Variants in DOK6 observed in about 807,000 individuals in gnomAD.
DOK6 encodes the protein downstream of tyrosine kinase 6.
A neutral mutation model predicts 44.0 loss-of-function variants in DOK6; 22 were observed. That is an observed-to-expected ratio of 0.50 (90% confidence interval 0.36 to 0.71). The LOEUF (loss-of-function observed/expected upper bound fraction) is 0.71, where lower values mean the gene tolerates loss of function less well. Among genes scored for constraint, DOK6 ranks in the 30% least tolerant of loss-of-function variants. The probability of loss-of-function intolerance (pLI) is 0.00; values close to 1 mark genes in which losing one functional copy is unlikely to be tolerated. For missense variants in DOK6, 340 were observed against 416.4 expected (o/e 0.82, Z 1.60); for synonymous variants, 166 against 145.5 (o/e 1.14, Z -1.01).
intron 1 of DOK6, among the ~76,000 whole-genome samples, chr18:69,407,864 C>T (rs977903228): frequency 9.9e-5 from 15 of 152,212 alleles, no homozygotes; most frequent in African/African-American, 3.6e-4. Context: ...AGTAAAATTA[C>T]TGGGAACAAA....
At chr18:69,524,718 A>G (rs1981782311) in intron 1 of DOK6, among the ~76,000 whole-genome samples, 1 of 151,962 alleles carries the variant, frequency 6.6e-6, no homozygotes, top group Admixed American at 6.6e-5. Context: ...ACAATAAATA[A>G]TGATTTTTAT....
intron 1 of DOK6, among the ~76,000 whole-genome samples, chr18:69,504,999 G>A (rs781281115): frequency 1.3e-5 from 2 of 152,036 alleles, no homozygotes; most frequent in African/African-American, 4.8e-5. Flanking sequence ...TTATTTTCAC[G>A]TAACGTTTAT....
intron 1 of DOK6, among the ~76,000 whole-genome samples, chr18:69,561,653 G>T (rs1221801544): frequency 6.6e-6 from 1 of 152,022 alleles, no homozygotes; most frequent in Non-Finnish European, 1.5e-5. Context: ...GTTAGGGAAG[G>T]TGCATCTGAT....
At chr18:69,508,651 G>A (rs986306576) in intron 1 of DOK6, among the ~76,000 whole-genome samples, 10 of 152,174 alleles carry the variant, frequency 6.6e-5, no homozygotes, top group Non-Finnish European at 4.4e-5. Flanking sequence ...TGTAAAGACA[G>A]GGTTATTAAA....
At chr18:69,445,273 C>G (rs1485466837) in intron 1 of DOK6, among the ~76,000 whole-genome samples, 1 of 152,084 alleles carries the variant, frequency 6.6e-6, no homozygotes, top group African/African-American at 2.4e-5. Flanking sequence ...ATAGATATAA[C>G]CAGTTTGAGT....
chr18:69,424,115 A>G (rs1978571167), intron 1 of DOK6, among the ~76,000 whole-genome samples: 1 of 152,182 alleles, frequency 6.6e-6, no homozygotes, highest in Non-Finnish European at 1.5e-5. Context: ...ATCGCTTTGT[A>G]TAAATACCTA....
chr18:69,559,061 T>A (rs958332288), intron 1 of DOK6, among the ~76,000 whole-genome samples: 11 of 152,216 alleles, frequency 7.2e-5, no homozygotes, highest in African/African-American at 2.6e-4. Flanking sequence ...CAGTCTTATC[T>A]CTGTGTGATT....
chr18:69,569,955 C>T (rs190705772), intron 2 of DOK6, among the ~76,000 whole-genome samples: 2 of 151,972 alleles, frequency 1.3e-5, no homozygotes, highest in African/African-American at 2.4e-5. Context: ...AAACCATATA[C>T]CACCTGTTCT....
At position 69,491,313 on chromosome 18, in the gene DOK6, G is replaced by A. The variant is rs183517694; in HGVS notation, c.67-73174G>A. On this transcript the variant is annotated intron_variant, in intron 1 of 7. Coordinates refer to ENST00000382713, the MANE Select transcript of DOK6 (RefSeq NM_152721.6). ...TATCTAGAGGAAATGTGTAATTTTT[G>A]CACTTTTCCATCTCGATTGGCTAAA... Among the ~76,000 whole-genome samples the A allele has an allele frequency of 1.4e-3, 215 of 152,178 alleles. 3 individuals are homozygous for A. The highest frequency in any genetic ancestry group is 6.6e-4 in the Non-Finnish European group (45 of 67,984).
In DOK6 at chr18:69,739,117, C is replaced by A. The variant is rs1391522454; in HGVS notation, c.738+14C>A. 2.5e-6 allele frequency: 4 copies of A among 1,613,334 alleles called. No individual in the cohort carries two copies. Among genetic ancestry groups the A allele is most frequent in the Non-Finnish European group, 3.4e-6 (4 of 1,179,544 alleles). ...CAGAAGGCCCGGGTAAGGCCCCTTC[C>A]TTGGTAACCTATCAGCTTGGAAATG... On this transcript the variant is annotated intron_variant, in intron 6 of 7. Transcript: ENST00000382713.
Position 69,669,496 on chromosome 18 carries a change from C to A in DOK6, c.290-8238C>A, listed in dbSNP as rs145227148. On this transcript the variant is annotated intron_variant, in intron 3 of 7. Coordinates refer to ENST00000382713, the MANE Select transcript of DOK6 (RefSeq NM_152721.6). ...AGCTATACAACTGGAAGACTTGCTC[C>A]TCTAAACCCAATGTGTTTTTTAAAT... is the stretch of plus-strand genomic sequence containing the variant. 7.6e-4 allele frequency among the ~76,000 whole-genome samples: 116 copies of A among 152,318 alleles called. 1 individual carries two copies. Among genetic ancestry groups the A allele is most frequent in the African/African-American group, 2.8e-3 (115 of 41,564 alleles).
At position 69,449,395 on chromosome 18, in the gene DOK6, A is replaced by G. The variant is rs191159595; in HGVS notation, c.66+48085A>G. 7.9e-5 allele frequency among the ~76,000 whole-genome samples: 12 copies of G among 152,320 alleles called. No individual in the cohort carries two copies. The East Asian group carries it at 2.3e-3, about 29-fold the overall frequency. On this transcript the variant is annotated intron_variant, in intron 1 of 7. Transcript: ENST00000382713. ...ACTTTGACATAAATCTGTAAATAAG[A>G]CCAAAGAAAGAAAATAGCTAGATAA... is the stretch of plus-strand genomic sequence containing the variant.
intron 1 of DOK6, among the ~76,000 whole-genome samples, chr18:69,490,439 GATA>G (rs1444446966): frequency 7.2e-5 from 11 of 152,136 alleles, no homozygotes; most frequent in Non-Finnish European, 1.5e-4. Context: ...GAAAGCTGAA[GATA>G]ATAATTATGA....
At chr18:69,564,901 T>C (rs991100511) in intron 2 of DOK6, among the ~76,000 whole-genome samples, 2 of 152,200 alleles carry the variant, frequency 1.3e-5, no homozygotes, top group African/African-American at 2.4e-5. Flanking sequence ...TAATTATGCA[T>C]TTGTTACTTG....
chr18:69,665,909 CT>C (rs529427606), intron 3 of DOK6, among the ~76,000 whole-genome samples: 120 of 152,106 alleles, frequency 7.9e-4, no homozygotes, highest in African/African-American at 2.8e-3. Flanking sequence ...CCTTTGCTCT[CT>C]TTTCCCTGAA....
At chr18:69,792,911 T>C (rs931331207) in intron 7 of DOK6, among the ~76,000 whole-genome samples, 1 of 152,118 alleles carries the variant, frequency 6.6e-6, no homozygotes, top group Non-Finnish European at 1.5e-5. Context: ...ATAGTCTCCA[T>C]TGAAAATTAG....
At chr18:69,401,439 G>A (rs944233404) in intron 1 of DOK6, 129 bp downstream of exon 1, 28 of 1,119,788 alleles carry the variant, frequency 2.5e-5, no homozygotes, top group Non-Finnish European at 3.3e-5. Context: ...TAGGCGGATG[G>A]CCCGCTTGTT....
At chr18:69,628,878 T>C (rs1984620963) in intron 3 of DOK6, among the ~76,000 whole-genome samples, 2 of 152,140 alleles carry the variant, frequency 1.3e-5, no homozygotes, top group Non-Finnish European at 2.9e-5. Flanking sequence ...TGCATGTACA[T>C]TTAAGAGTTA....
intron 3 of DOK6, among the ~76,000 whole-genome samples, chr18:69,624,159 A>T (rs1984503908): frequency 6.6e-6 from 1 of 152,138 alleles, no homozygotes; most frequent in Non-Finnish European, 1.5e-5. Flanking sequence ...AATTTATTGG[A>T]CCCTATAATT....
Sources: allele counts gnomAD v4.1 joint callset (sites outside exome capture counted in the v4.1 genomes callset), GRCh38; gene constraint gnomAD v4.1.1; transcripts MANE v1.5; gene names NCBI Gene and HGNC (gene_info 2026-07-23, HGNC 2026-07-21).